ZBTB8A: variants seen among roughly 807,000 people sequenced by gnomAD.
The protein encoded by ZBTB8A is zinc finger and BTB domain containing 8A.
In ZBTB8A, 19 loss-of-function variants were observed where a neutral mutation model predicts 37.8. The ratio of observed to expected loss-of-function variants is 0.50; its 90% CI spans 0.35 to 0.74. The LOEUF (loss-of-function observed/expected upper bound fraction) is 0.74, where lower values mean the gene tolerates loss of function less well. ZBTB8A is among the 30% of genes least tolerant of loss of function. ZBTB8A has a pLI of 0.01. For synonymous variants in ZBTB8A, 181 were observed against 185.2 expected, an observed-to-expected ratio of 0.98 and a Z score of 0.19; for missense variants, 394 against 537.8, an observed-to-expected ratio of 0.73 and a Z score of 2.65.
chr1:32,584,508 C>CTTTTTTTTTTTTTTTTTTTTTTT (rs1177778440), intron 2 of ZBTB8A, among the ~76,000 whole-genome samples: 2 of 117,874 alleles, frequency 1.7e-5, no homozygotes, highest in Admixed American at 9.3e-5. Flanking sequence ...TTCTTTCTTT[C>CTTTTTTTTTTTTTTTTTTTTTTT]TTTTTTTTTT....
chr1:32,585,057 G>T lies in ZBTB8A; in HGVS notation c.-1-7874G>T, dbSNP rs576468987. Among the ~76,000 whole-genome samples the T allele has an allele frequency of 5.7e-5, 8 of 141,412 alleles. No individual in the cohort carries two copies. The South Asian group carries it at 1.6e-3, about 28-fold the overall frequency. The allele number at this position is 141,412 out of a possible 152,430, so 92.8% of individuals were successfully genotyped here. A position where few individuals can be genotyped will look rare whatever the true frequency, so the allele number is the denominator to read the frequency against. ...TTTTTTTTTTTTTTTTTTGAGAAGGGTCTTGCTCTGAGGCTCAGGCAGGAG... is the reference window on the plus strand; with the variant it reads ...TTTTTTTTTTTTTTTTTTGAGAAGGTTCTTGCTCTGAGGCTCAGGCAGGAG... On this transcript the variant is annotated intron_variant, in intron 2 of 4. Coordinates refer to ENST00000373510, the MANE Select transcript of ZBTB8A (RefSeq NM_001040441.3).
intron 2 of ZBTB8A, among the ~76,000 whole-genome samples, chr1:32,558,166 G>A (rs1294103775): frequency 6.6e-6 from 1 of 152,128 alleles, no homozygotes; most frequent in Non-Finnish European, 1.5e-5. Context: ...AGGGAAGTAG[G>A]AAGGCATTTG....
intron 2 of ZBTB8A, among the ~76,000 whole-genome samples, chr1:32,588,450 G>T (rs1400348492): frequency 6.6e-6 from 1 of 151,960 alleles, no homozygotes; most frequent in Non-Finnish European, 1.5e-5. Flanking sequence ...AGGTAGAGAA[G>T]ATGTTTGAGG....
chr1:32,595,877 T>C (rs1014373718), intron 4 of ZBTB8A, among the ~76,000 whole-genome samples: 12 of 150,846 alleles, frequency 8.0e-5, no homozygotes, highest in Middle Eastern at 3.3e-3. Context: ...AGGCTGGTCT[T>C]GAACTCCTGG....
intron 2 of ZBTB8A, among the ~76,000 whole-genome samples, chr1:32,571,018 G>T (rs1644318874): frequency 6.6e-6 from 1 of 152,004 alleles, no homozygotes; most frequent in Non-Finnish European, 1.5e-5. Context: ...TGGGATTACA[G>T]GTGCCCACCA....
chr1:32,595,211 C>T lies in ZBTB8A; in HGVS notation c.981C>T (p.Ser327=). The change falls in exon 4 of 5, where the codon AGC becomes AGT. Residue 327 remains serine, a synonymous_variant. Transcript: ENST00000373510. The stretch of plus-strand genomic sequence containing the variant: ...TTAGCAGGCTAGACCATCTAAGTAG[C>T]CATTTTCGAACAGTATGTATGATTT... ...KRFSRLDHLS[S]HFRTIHQACK... The T allele has an allele frequency of 6.2e-7, 1 of 1,613,316 alleles. No individual in the cohort carries two copies. Among genetic ancestry groups the T allele is most frequent in the Non-Finnish European group, 8.5e-7 (1 of 1,179,838 alleles).
rs773036288 is a variant in ZBTB8A, at chr1:32,605,843, A to G, written c.*5424A>G. Reference sequence around the variant, plus strand: ...ACTGAGGTGTGTTGTGTATCACTCTATTTTATAGATGATTTTATATAAGTA... The same window carrying G: ...ACTGAGGTGTGTTGTGTATCACTCTGTTTTATAGATGATTTTATATAAGTA... On this transcript the variant is annotated 3_prime_UTR_variant, in exon 5 of 5. Transcript: ENST00000373510. 2.0e-5 allele frequency: 3 copies of G among 151,900 alleles called. No individual in the cohort carries two copies. The highest frequency in any genetic ancestry group is 4.8e-5 in the African/African-American group (2 of 41,318). 9.4% of individuals were successfully genotyped at this position (151,900 alleles called of 1,614,324 possible).
chr1:32,577,208 T>A (rs1471435614), intron 2 of ZBTB8A, among the ~76,000 whole-genome samples: 1 of 151,708 alleles, frequency 6.6e-6, no homozygotes, highest in Non-Finnish European at 1.5e-5. Context: ...TTTTGTTTTC[T>A]TTTTGAGACA....
At chr1:32,594,945 T>A (rs1644518465) in intron 3 of ZBTB8A, 109 bp from the exon 4 acceptor site, 2 of 1,125,708 alleles carry the variant, frequency 1.8e-6, no homozygotes, top group African/African-American at 1.6e-5. Context: ...TCTTTTTTTT[T>A]AAGTTTATTT....
chr1:32,592,457 T>C (rs1644497061), intron 2 of ZBTB8A, among the ~76,000 whole-genome samples: 1 of 151,902 alleles, frequency 6.6e-6, no homozygotes, highest in African/African-American at 2.4e-5. Flanking sequence ...GGAGGATCAC[T>C]TGAAACCAGG....
chr1:32,555,085 T>C (rs1461285069), intron 2 of ZBTB8A, among the ~76,000 whole-genome samples: 1 of 152,070 alleles, frequency 6.6e-6, no homozygotes, highest in African/African-American at 2.4e-5. Context: ...TTCTGTAAAA[T>C]GGGGATAATA....
chr1:32,596,184 A>G (rs1408560127), intron 4 of ZBTB8A, among the ~76,000 whole-genome samples: 5 of 150,868 alleles, frequency 3.3e-5, no homozygotes, highest in Admixed American at 2.6e-4. Context: ...CCTGGCTAAC[A>G]TGGTGAAACC....
At position 32,589,830 on chromosome 1, in the gene ZBTB8A, G is replaced by A. The variant is rs374339305; in HGVS notation, c.-1-3101G>A. Among the ~76,000 whole-genome samples, 9 of 152,206 alleles carry A rather than the reference G, an allele frequency of 5.9e-5. No individual in the cohort carries two copies. The East Asian group carries it at 1.7e-3, about 29-fold the overall frequency. ...GCCTCTCAAAGTGCTGGGATTACAGGTGTGAGTCACCACGCCCGGCCTCTG... is the reference window on the plus strand; with the variant it reads ...GCCTCTCAAAGTGCTGGGATTACAGATGTGAGTCACCACGCCCGGCCTCTG... On this transcript the variant is annotated intron_variant, in intron 2 of 4. Transcript: ENST00000373510.
chr1:32,544,579 C>T (rs763805727), intron 1 of ZBTB8A, among the ~76,000 whole-genome samples: 1 of 152,174 alleles, frequency 6.6e-6, no homozygotes, highest in African/African-American at 2.4e-5. Context: ...TGCCTGTAAT[C>T]CCGGCTACTC....
At chr1:32,580,837 G>A (rs1293508628) in intron 2 of ZBTB8A, among the ~76,000 whole-genome samples, 1 of 151,658 alleles carries the variant, frequency 6.6e-6, no homozygotes, top group Non-Finnish European at 1.5e-5. Flanking sequence ...TCGGATGGTG[G>A]AAGGCATCCC....
chr1:32,573,157 C>T (rs1238919480), intron 2 of ZBTB8A, among the ~76,000 whole-genome samples: 1 of 149,678 alleles, frequency 6.7e-6, no homozygotes, highest in Admixed American at 6.7e-5. Context: ...TGCAACCTCC[C>T]CCTCCCAGGT....
chr1:32,576,639 G>A (rs1271551474), intron 2 of ZBTB8A, among the ~76,000 whole-genome samples: 3 of 152,150 alleles, frequency 2.0e-5, no homozygotes, highest in African/African-American at 7.2e-5. Flanking sequence ...ATGTTGGCCA[G>A]GCTGGTCTCA....
intron 1 of ZBTB8A, 28 bp downstream of exon 1, chr1:32,539,600 A>AGGGC (rs1479075730): frequency 1.4e-5 from 2 of 145,530 alleles, no homozygotes; most frequent in East Asian, 2.0e-4. Context: ...GCGCCGGCGG[A>AGGGC]GGGCGGGCGG....
intron 1 of ZBTB8A, among the ~76,000 whole-genome samples, chr1:32,549,588 G>A (rs1466096485): frequency 2.0e-5 from 3 of 152,088 alleles, no homozygotes; most frequent in Admixed American, 6.6e-5. Context: ...TCGACTAACT[G>A]CTATAGGCCA....
Sources: gnomAD v4.1 joint callset for allele counts (sites outside exome capture counted in the v4.1 genomes callset) on GRCh38, gnomAD v4.1.1 for gene constraint, MANE v1.5 for transcripts, NCBI Gene and HGNC (gene_info 2026-07-23, HGNC 2026-07-21) for gene names.